The following FAM53B variants were observed in gnomAD, a reference collection of about 807,000 sequenced individuals.
FAM53B encodes family with sequence similarity 53 member B.
A neutral mutation model predicts 32.7 loss-of-function variants in FAM53B; 12 were observed. The ratio of observed to expected loss-of-function variants is 0.37; its 90% CI spans 0.24 to 0.59. FAM53B has a LOEUF of 0.59. Among genes scored for constraint, FAM53B ranks in the 20% least tolerant of loss-of-function variants. The pLI is 0.72. For missense variants in FAM53B, 477 were observed against 577.7 expected (o/e 0.83, Z 1.79); for synonymous variants, 234 against 228.7 (o/e 1.02, Z -0.21).
intron 4 of FAM53B, among the ~76,000 whole-genome samples, chr10:124,628,897 T>C (rs954086381): frequency 2.0e-5 from 3 of 152,210 alleles, no homozygotes; most frequent in Admixed American, 6.5e-5. Flanking sequence ...AGCCCACCTC[T>C]TTCCTGGGCC....
At chr10:124,662,708 C>T (rs1467221670) in intron 4 of FAM53B, among the ~76,000 whole-genome samples, 1 of 152,162 alleles carries the variant, frequency 6.6e-6, no homozygotes, top group African/African-American at 2.4e-5. Context: ...TCTGTAGTCC[C>T]AGCTACTTGG....
chr10:124,699,407 C>CT (rs1180572471), intron 2 of FAM53B, among the ~76,000 whole-genome samples: 1 of 152,246 alleles, frequency 6.6e-6, no homozygotes, highest in Non-Finnish European at 1.5e-5. Flanking sequence ...TGGGGAAGGG[C>CT]TGAGAGGCCA....
chr10:124,661,094 C>T (rs1949628788), intron 4 of FAM53B, among the ~76,000 whole-genome samples: 1 of 147,252 alleles, frequency 6.8e-6, no homozygotes, highest in Non-Finnish European at 1.5e-5. Flanking sequence ...ATGGAAGGAT[C>T]TGGCCTGTGG....
chr10:124,631,614 C>T (rs1409588273), intron 4 of FAM53B, among the ~76,000 whole-genome samples: 2 of 152,196 alleles, frequency 1.3e-5, no homozygotes, highest in African/African-American at 4.8e-5. Flanking sequence ...AGGCCAGAGC[C>T]CGGCCACCAC....
At chr10:124,642,689 C>G (rs1219372672) in intron 4 of FAM53B, among the ~76,000 whole-genome samples, 1 of 152,148 alleles carries the variant, frequency 6.6e-6, no homozygotes, top group African/African-American at 2.4e-5. Flanking sequence ...AGCTTTCAGA[C>G]AGTGACTCCA....
At chr10:124,711,902 TA>T (rs560904411) in intron 1 of FAM53B, among the ~76,000 whole-genome samples, 90 of 141,250 alleles carry the variant, frequency 6.4e-4, no homozygotes, top group Middle Eastern at 3.6e-3. Flanking sequence ...AAATAAAAAC[TA>T]AAAAAAAAAA....
At chr10:124,630,266 T>C (rs1830395366) in intron 4 of FAM53B, among the ~76,000 whole-genome samples, 1 of 152,010 alleles carries the variant, frequency 6.6e-6, no homozygotes, top group African/African-American at 2.4e-5. Flanking sequence ...AACTAAAAAT[T>C]AGCCTGACAT....
At chr10:124,723,170 A>G (rs1357131478) in intron 1 of FAM53B, among the ~76,000 whole-genome samples, 5 of 152,216 alleles carry the variant, frequency 3.3e-5, no homozygotes, top group Admixed American at 3.3e-4. Flanking sequence ...CCACCCCTAC[A>G]GACTGTGTGC....
intron 1 of FAM53B, among the ~76,000 whole-genome samples, chr10:124,710,305 A>G (rs540311878): frequency 1.3e-5 from 2 of 152,332 alleles, no homozygotes; most frequent in South Asian, 4.1e-4. Context: ...AACCCTTTGC[A>G]ACACCTACCA....
intron 1 of FAM53B, among the ~76,000 whole-genome samples, chr10:124,722,160 T>C (rs763682688): frequency 8.5e-5 from 13 of 152,130 alleles, no homozygotes; most frequent in Non-Finnish European, 1.6e-4. Flanking sequence ...TATTATGTAG[T>C]TTCAAATAGT....
intron 3 of FAM53B, among the ~76,000 whole-genome samples, chr10:124,694,611 C>T (rs1278655037): frequency 6.6e-6 from 1 of 152,240 alleles, no homozygotes; most frequent in Non-Finnish European, 1.5e-5. Context: ...GCTGGGCATG[C>T]CGGGGCCTCT....
rs1949778847 is a variant in FAM53B at position 124,682,319 on chromosome 10, G to A, written c.194C>T (p.Thr65Ile). The change falls in exon 4 of 5, where the codon ACC becomes ATC. Residue 65 changes from threonine (T) to isoleucine (I), a missense_variant. By Grantham distance (89) the Thr-to-Ile change is moderately conservative. Coordinates refer to ENST00000337318, the MANE Select transcript of FAM53B (RefSeq NM_014661.4). The surrounding 1 kb of genome is among the most constrained non-coding windows in gnomAD (Gnocchi z 5.2). Reference protein sequence around the residue: ...KCPLQIDQPSTSIWECLPEKD... With the variant: ...KCPLQIDQPSISIWECLPEKD... ...TTCAGGCAGGCATTCCCAGATGCTGGTGCTCGGTTGGTCAATCTGAAGAGG... is the reference window on the plus strand; with the variant it reads ...TTCAGGCAGGCATTCCCAGATGCTGATGCTCGGTTGGTCAATCTGAAGAGG... The A allele has an allele frequency of 1.2e-6, 2 of 1,613,660 alleles. No homozygotes were observed. Among genetic ancestry groups the A allele is most frequent in the South Asian group, 1.1e-5 (1 of 91,082 alleles).
At chr10:124,711,592 C>T (rs1950003895) in intron 1 of FAM53B, among the ~76,000 whole-genome samples, 1 of 152,100 alleles carries the variant, frequency 6.6e-6, no homozygotes, top group Non-Finnish European at 1.5e-5. Context: ...TAGCACTAAC[C>T]ACCAAAAGAG....
chr10:124,726,182 G>A, intron 1 of FAM53B, among the ~76,000 whole-genome samples: 1 of 152,158 alleles, frequency 6.6e-6, no homozygotes, highest in Non-Finnish European at 1.5e-5. Context: ...TAGAACCCTA[G>A]TAACTGGGAG....
chr10:124,696,833 T>A (rs1427022830), intron 2 of FAM53B, among the ~76,000 whole-genome samples: 2 of 152,206 alleles, frequency 1.3e-5, no homozygotes, highest in African/African-American at 4.8e-5. Flanking sequence ...ACATAACAGC[T>A]ATGGCTTTTG....
In FAM53B at chr10:124,620,354, A is replaced by AGC. The variant is rs1242051038; in HGVS notation, c.*2886_*2887dup. Reference sequence around the variant, plus strand: ...AATGAGTGGGGTGCATGTGGCACTAAGCCCCCCCCACCGCCCCGGCTTTCC... The same window carrying AGC: ...AATGAGTGGGGTGCATGTGGCACTAAGCGCCCCCCCCACCGCCCCGGCTTTCC... On this transcript the variant is annotated 3_prime_UTR_variant, in exon 5 of 5. Transcript: ENST00000337318. The AGC allele has an allele frequency of 1.1e-4, 14 of 123,104 alleles. No homozygotes were observed. The highest frequency in any genetic ancestry group is 2.4e-4 in the Non-Finnish European group (14 of 59,016). The allele number at this position is 123,104 out of a possible 1,614,324, so 7.6% of individuals were successfully genotyped here. A position where few individuals can be genotyped will look rare whatever the true frequency, so the allele number is the denominator to read the frequency against.
At chr10:124,667,244 G>T in intron 4 of FAM53B, 1 of 565,030 alleles carries the variant, frequency 1.8e-6, no homozygotes, top group Non-Finnish European at 3.2e-6. Context: ...TAGTATTTTG[G>T]AAATACTGGG....
chr10:124,662,575 G>C (rs532175630), intron 4 of FAM53B, among the ~76,000 whole-genome samples: 1 of 151,970 alleles, frequency 6.6e-6, no homozygotes, highest in African/African-American at 2.4e-5. Flanking sequence ...CAGTGCTTTC[G>C]GAGGCTCAGG....
chr10:124,725,021 T>C (rs1367434647), intron 1 of FAM53B, among the ~76,000 whole-genome samples: 3 of 152,204 alleles, frequency 2.0e-5, no homozygotes, highest in African/African-American at 7.2e-5. Flanking sequence ...ACTGAGTTAG[T>C]GTCCCCTTGT....
Sources: gnomAD v4.1 joint callset for allele counts (sites outside exome capture counted in the v4.1 genomes callset) on GRCh38, gnomAD v4.1.1 for gene constraint, Gnocchi (gnomAD v3.1) non-coding constraint, MANE v1.5 for transcripts, NCBI Gene and HGNC (gene_info 2026-07-23, HGNC 2026-07-21) for gene names.